Variants in KCNH1 observed in about 807,000 individuals in gnomAD.
KCNH1 encodes the protein potassium voltage-gated channel subfamily H member 1.
In KCNH1, 27 loss-of-function variants were observed where a neutral mutation model predicts 69.2. That is an observed-to-expected ratio of 0.39 (90% CI 0.29 to 0.54). KCNH1 has a LOEUF of 0.54. KCNH1 is among the 20% of genes least tolerant of loss of function. KCNH1 has a pLI of 0.68. For synonymous variants in KCNH1, 456 were observed against 487.7 expected, an observed-to-expected ratio of 0.93 and a Z score of 0.86; for missense variants, 798 against 1,261.6, an observed-to-expected ratio of 0.63 and a Z score of 5.57.
At chr1:210,789,399 G>T (rs1426993408) in intron 9 of KCNH1, among the ~76,000 whole-genome samples, 15 of 152,086 alleles carry the variant, frequency 9.9e-5, no homozygotes. Flanking sequence ...TCATTGCCTG[G>T]CCATCCTCCT....
At chr1:211,081,869 T>C (rs1424430042) in intron 5 of KCNH1, among the ~76,000 whole-genome samples, 1 of 152,018 alleles carries the variant, frequency 6.6e-6, no homozygotes, top group Non-Finnish European at 1.5e-5. Context: ...CTAACATAAA[T>C]GATGAGTTAA....
intron 9 of KCNH1, among the ~76,000 whole-genome samples, chr1:210,778,412 A>T (rs560522509): frequency 9.7e-4 from 147 of 151,980 alleles, no homozygotes; most frequent in Non-Finnish European, 1.8e-3. Flanking sequence ...AGTTCCAACT[A>T]CTCAGAAGGC....
At chr1:210,829,494 C>T (rs149803405) in intron 7 of KCNH1, among the ~76,000 whole-genome samples, 2 of 152,216 alleles carry the variant, frequency 1.3e-5, no homozygotes, top group Non-Finnish European at 2.9e-5. Context: ...GTCCCCTCGA[C>T]TCCCCATGTC....
rs149947389 is a variant in KCNH1 at position 210,911,290 on chromosome 1, G to C, written c.1462+8350C>G. ...CTCACTGGGGAGACACCCTGCACAT[G>C]TGCCCATAACAAGCTGTCCTTTCCT... On this transcript the variant is annotated intron_variant, in intron 7 of 10. Coordinates refer to ENST00000271751, the MANE Select transcript of KCNH1 (RefSeq NM_172362.3). 1.0e-3 allele frequency among the ~76,000 whole-genome samples: 156 copies of C among 152,212 alleles called. 1 individual carries two copies. Among genetic ancestry groups the C allele is most frequent in the African/African-American group, 3.6e-3 (150 of 41,544 alleles).
chr1:210,887,720 GCC>G (rs1686645619), intron 7 of KCNH1, among the ~76,000 whole-genome samples: 1 of 16,184 alleles, frequency 6.2e-5, no homozygotes, highest in Non-Finnish European at 1.2e-4. Context: ...AAAATGGAAA[GCC>G]AAAAAAAAAA....
chr1:210,807,359 C>G (rs1226352845), intron 7 of KCNH1, among the ~76,000 whole-genome samples: 1 of 152,044 alleles, frequency 6.6e-6, no homozygotes, highest in African/African-American at 2.4e-5. Flanking sequence ...AATCCCAGCA[C>G]TTTGGGAGGC....
chr1:211,042,223 C>T (rs182319077), intron 5 of KCNH1, among the ~76,000 whole-genome samples: 1 of 152,266 alleles, frequency 6.6e-6, no homozygotes, highest in Non-Finnish European at 1.5e-5. Flanking sequence ...GATTCTTCAC[C>T]CACTTCTTTC....
intron 10 of KCNH1, among the ~76,000 whole-genome samples, chr1:210,727,106 G>A (rs1401285195): frequency 6.6e-6 from 1 of 152,104 alleles, no homozygotes; most frequent in Non-Finnish European, 1.5e-5. Context: ...GAGCACAAAT[G>A]TCTTTTCTTA....
At chr1:210,991,319 C>A (rs1341935541) in intron 6 of KCNH1, among the ~76,000 whole-genome samples, 1 of 151,986 alleles carries the variant, frequency 6.6e-6, no homozygotes, top group Non-Finnish European at 1.5e-5. Flanking sequence ...CATGGGTAAA[C>A]CTGGAAGACA....
intron 5 of KCNH1, among the ~76,000 whole-genome samples, chr1:211,070,274 C>T (rs4951717): frequency 0.092 from 13,928 of 151,064 alleles, 917 homozygotes; most frequent in South Asian, 0.18. Context: ...AAAAATAAGC[C>T]GGGCGTAGTG....
At chr1:210,718,622 G>T (rs1055509475) in intron 10 of KCNH1, among the ~76,000 whole-genome samples, 7 of 123,176 alleles carry the variant, frequency 5.7e-5, no homozygotes, top group South Asian at 4.7e-4. Context: ...ATATGTATGT[G>T]TGTATAAATA....
intron 10 of KCNH1, among the ~76,000 whole-genome samples, chr1:210,731,954 C>T (rs192615191): frequency 2.0e-4 from 31 of 152,142 alleles, no homozygotes; most frequent in African/African-American, 2.6e-4. Flanking sequence ...CATGTTAGGT[C>T]GGAGCAAATG....
At chr1:210,976,592 C>T (rs1688615725) in intron 6 of KCNH1, among the ~76,000 whole-genome samples, 2 of 144,526 alleles carry the variant, frequency 1.4e-5, no homozygotes, top group Non-Finnish European at 3.0e-5. Flanking sequence ...ACCCAGCCAT[C>T]CCATTACTGG....
chr1:211,006,071 G>A (rs1689277874), intron 6 of KCNH1, among the ~76,000 whole-genome samples: 1 of 152,100 alleles, frequency 6.6e-6, no homozygotes, highest in Admixed American at 6.6e-5. Context: ...ATTGGATTAG[G>A]TAGAATTAAG....
At chr1:210,789,938 G>C (rs1199430357) in intron 9 of KCNH1, among the ~76,000 whole-genome samples, 1 of 152,158 alleles carries the variant, frequency 6.6e-6, no homozygotes, top group Non-Finnish European at 1.5e-5. Context: ...GTCTTGCTAT[G>C]ATGCCTAGGC....
intron 10 of KCNH1, among the ~76,000 whole-genome samples, chr1:210,722,677 T>C (rs1336511758): frequency 6.6e-6 from 1 of 152,242 alleles, no homozygotes; most frequent in Non-Finnish European, 1.5e-5. Flanking sequence ...GGGGATTTGA[T>C]TTAACCTCTA....
At chr1:210,808,615 C>T (rs1035770238) in intron 7 of KCNH1, among the ~76,000 whole-genome samples, 9 of 151,940 alleles carry the variant, frequency 5.9e-5, no homozygotes, top group African/African-American at 4.8e-5. Context: ...AGGCTGGTCT[C>T]GAACTCCTGG....
chr1:211,029,068 G>C (rs1689734340), intron 5 of KCNH1, among the ~76,000 whole-genome samples: 1 of 150,992 alleles, frequency 6.6e-6, no homozygotes, highest in Admixed American at 6.6e-5. Flanking sequence ...TGGTGGCTCA[G>C]GCCTGTGTTC....
chr1:210,884,313 T>C (rs1686557858), intron 7 of KCNH1, among the ~76,000 whole-genome samples: 2 of 152,152 alleles, frequency 1.3e-5, no homozygotes, highest in Admixed American at 6.5e-5. Flanking sequence ...CTTTGTTACT[T>C]GAGAGGATCC....
Sources: allele counts gnomAD v4.1 joint callset (sites outside exome capture counted in the v4.1 genomes callset), GRCh38; gene constraint gnomAD v4.1.1; transcripts MANE v1.5; gene names NCBI Gene and HGNC (gene_info 2026-07-23, HGNC 2026-07-21).